Variants in SAMMSON observed in about 807,000 individuals in gnomAD.
The protein encoded by SAMMSON is long intergenic non-protein coding RNA 1212.
At chr3:70,291,981 C>A (rs1575617693) in intron 7 of SAMMSON, 1 of 152,314 alleles carries the variant, frequency 6.6e-6, no homozygotes, top group African/African-American at 2.4e-5. Context: ...ATTCATTAAG[C>A]ATTTCTATCA....
chr3:70,256,584 C>T (rs1159036167), intron 6 of SAMMSON, among the ~76,000 whole-genome samples: 2 of 152,126 alleles, frequency 1.3e-5, no homozygotes, highest in African/African-American at 4.8e-5. Flanking sequence ...TGCTATGCCA[C>T]TTGCTGCTCC....
chr3:70,002,162 G>A (rs189186867), intron 1 of SAMMSON, among the ~76,000 whole-genome samples: 17 of 152,184 alleles, frequency 1.1e-4, no homozygotes, highest in Admixed American at 5.9e-4. Flanking sequence ...CAGAATATAC[G>A]TCTGTATACA....
chr3:70,071,020 A>G (rs964883235), intron 3 of SAMMSON, among the ~76,000 whole-genome samples: 1 of 151,972 alleles, frequency 6.6e-6, no homozygotes, highest in Non-Finnish European at 1.5e-5. Context: ...TTCTTTTTTG[A>G]CTGACATGTG....
chr3:70,031,743 A>G (rs1306304120), intron 3 of SAMMSON, among the ~76,000 whole-genome samples: 1 of 152,182 alleles, frequency 6.6e-6, no homozygotes, highest in Non-Finnish European at 1.5e-5. Flanking sequence ...GCTTTTCTAA[A>G]TGAAACCAAC....
chr3:70,306,418 G>A (rs1322980486), intron 7 of SAMMSON, among the ~76,000 whole-genome samples: 3 of 152,098 alleles, frequency 2.0e-5, no homozygotes, highest in Non-Finnish European at 2.9e-5. Flanking sequence ...GCCAATAATC[G>A]TTTTTATATC....
intron 4 of SAMMSON, among the ~76,000 whole-genome samples, chr3:70,110,281 C>A (rs1054061790): frequency 1.1e-4 from 17 of 152,322 alleles, no homozygotes; most frequent in Non-Finnish European, 1.9e-4. Flanking sequence ...ATTGTCAGTG[C>A]TGGACAAATG....
At chr3:70,351,968 T>A (rs1452936497) in intron 7 of SAMMSON, among the ~76,000 whole-genome samples, 1 of 151,894 alleles carries the variant, frequency 6.6e-6, no homozygotes, top group East Asian at 1.9e-4. Flanking sequence ...AAAGAGACTT[T>A]TAAAAAGTAA....
chr3:70,018,263 C>T (rs1416034277), intron 3 of SAMMSON, among the ~76,000 whole-genome samples: 1 of 152,064 alleles, frequency 6.6e-6, no homozygotes, highest in Non-Finnish European at 1.5e-5. Flanking sequence ...ATTTCAGAGC[C>T]TGTTATTGGT....
chr3:70,286,821 A>G (rs1702169542), intron 6 of SAMMSON, among the ~76,000 whole-genome samples: 1 of 152,152 alleles, frequency 6.6e-6, no homozygotes, highest in African/African-American at 2.4e-5. Context: ...CTTTGAAGCA[A>G]TTGCGAATGA....
intron 7 of SAMMSON, among the ~76,000 whole-genome samples, chr3:70,339,956 C>T (rs1559567428): frequency 1.3e-5 from 2 of 151,980 alleles, no homozygotes; most frequent in Non-Finnish European, 2.9e-5. Context: ...CATGCACACA[C>T]ATGTTTATTG....
intron 7 of SAMMSON, among the ~76,000 whole-genome samples, chr3:70,308,893 T>C (rs947826728): frequency 6.6e-6 from 1 of 152,098 alleles, no homozygotes; most frequent in African/African-American, 2.4e-5. Context: ...TCCAGTGAAG[T>C]GCTTGTTCCA....
At chr3:70,274,090 T>TGTGTGTGC (rs770689062) in intron 6 of SAMMSON, among the ~76,000 whole-genome samples, 26 of 145,062 alleles carry the variant, frequency 1.8e-4, no homozygotes, top group Non-Finnish European at 3.3e-4. Flanking sequence ...TGTGTGTGTG[T>TGTGTGTGC]GCGCGCGCGC....
At chr3:70,237,265 A>C (rs1329672594) in intron 4 of SAMMSON, among the ~76,000 whole-genome samples, 1 of 152,338 alleles carries the variant, frequency 6.6e-6, no homozygotes, top group East Asian at 1.9e-4. Context: ...GAATTACTGC[A>C]TCATATTCTC....
chr3:70,275,384 A>G (rs1394845057), intron 6 of SAMMSON, among the ~76,000 whole-genome samples: 1 of 152,040 alleles, frequency 6.6e-6, no homozygotes, highest in East Asian at 1.9e-4. Context: ...GTGTGGTGGC[A>G]TGTGCCTGTA....
At chr3:70,164,228 G>A (rs2106694781) in intron 4 of SAMMSON, among the ~76,000 whole-genome samples, 1 of 152,128 alleles carries the variant, frequency 6.6e-6, no homozygotes, top group South Asian at 2.1e-4. Flanking sequence ...CCTCTAACTA[G>A]CTGTGTCATT....
At chr3:70,027,158 C>A (rs570918053) in intron 3 of SAMMSON, among the ~76,000 whole-genome samples, 1 of 152,166 alleles carries the variant, frequency 6.6e-6, no homozygotes, top group Non-Finnish European at 1.5e-5. Context: ...TGATTTATTT[C>A]GGTAGTTAGC....
chr3:70,392,276 C>T (rs945331102), downstream of SAMMSON, among the ~76,000 whole-genome samples: 1 of 152,108 alleles, frequency 6.6e-6, no homozygotes, highest in Non-Finnish European at 1.5e-5. Flanking sequence ...TCACATCTCA[C>T]CACCCATCCC....
chr3:70,119,058 C>T (rs1162172828), intron 4 of SAMMSON, among the ~76,000 whole-genome samples: 3 of 152,012 alleles, frequency 2.0e-5, no homozygotes, highest in African/African-American at 7.2e-5. Flanking sequence ...GAAAACTACT[C>T]TTATTTATTT....
At chr3:70,334,422 T>G (rs1702646749) in intron 7 of SAMMSON, among the ~76,000 whole-genome samples, 1 of 152,016 alleles carries the variant, frequency 6.6e-6, no homozygotes, top group African/African-American at 2.4e-5. Flanking sequence ...CAAATGTATG[T>G]AATATATAAA....
Sources: allele counts gnomAD v4.1 joint callset (sites outside exome capture counted in the v4.1 genomes callset), GRCh38; gene constraint gnomAD v4.1.1; transcripts MANE v1.5; gene names NCBI Gene and HGNC (gene_info 2026-07-23, HGNC 2026-07-21).